The following OR9Q1 variants were observed in gnomAD, a reference collection of about 807,000 sequenced individuals.
OR9Q1 encodes olfactory receptor family 9 subfamily Q member 1.
For missense variants in OR9Q1, 374 were observed against 378.8 expected, an observed-to-expected ratio of 0.99 and a Z score of 0.11; for synonymous variants, 153 against 148.6, an observed-to-expected ratio of 1.03 and a Z score of -0.22.
At chr11:58,032,642 C>T (rs118074668) in intron 1 of OR9Q1, among the ~76,000 whole-genome samples, 6,104 of 152,162 alleles carry the variant, frequency 0.04, 125 homozygotes, top group East Asian at 0.061. Context: ...AATATAAGAC[C>T]TCAAACTATA....
intron 2 of OR9Q1, among the ~76,000 whole-genome samples, chr11:58,074,701 A>G (rs955072010): frequency 6.6e-6 from 1 of 152,016 alleles, no homozygotes; most frequent in African/African-American, 2.4e-5. Flanking sequence ...CCTGAGTGGT[A>G]TTGCCTAGGT....
intron 2 of OR9Q1, among the ~76,000 whole-genome samples, chr11:58,174,624 T>G (rs1854586991): frequency 6.7e-6 from 1 of 149,662 alleles, no homozygotes; most frequent in Non-Finnish European, 1.5e-5. Context: ...TTCTCAGACT[T>G]CTTTTAGCAT....
chr11:58,172,897 C>T lies in OR9Q1; in HGVS notation c.-14-6534C>T, dbSNP rs1163336917. On this transcript the variant is annotated intron_variant, in intron 2 of 2. Coordinates refer to ENST00000335397, the MANE Select transcript of OR9Q1 (RefSeq NM_001005212.4). ...GACTGTAGTCACCCTGTTGTGCTAT[C>T]ACATACTAGGTCTATTCATTCTATT... Among the ~76,000 whole-genome samples, 5 of 152,094 alleles carry T rather than the reference C, an allele frequency of 3.3e-5. No homozygotes were observed. In the East Asian group the frequency reaches 7.7e-4, roughly 23 times the overall value.
chr11:58,046,895 C>T (rs1464455180), intron 1 of OR9Q1, among the ~76,000 whole-genome samples: 2 of 152,030 alleles, frequency 1.3e-5, no homozygotes, highest in African/African-American at 2.4e-5. Flanking sequence ...ATTTCTCCCT[C>T]TGGTGACCTT....
At chr11:58,162,010 C>T (rs1277266990) in intron 2 of OR9Q1, among the ~76,000 whole-genome samples, 1 of 152,172 alleles carries the variant, frequency 6.6e-6, no homozygotes, top group East Asian at 1.9e-4. Context: ...TGCTAATTGG[C>T]AACTGGATAC....
intron 2 of OR9Q1, among the ~76,000 whole-genome samples, chr11:58,115,280 G>C (rs527501675): frequency 6.6e-6 from 1 of 152,110 alleles, no homozygotes; most frequent in African/African-American, 2.4e-5. Flanking sequence ...TAACAAAAAT[G>C]TTATTTATTG....
intron 2 of OR9Q1, among the ~76,000 whole-genome samples, chr11:58,085,597 T>C (rs1185095736): frequency 6.6e-6 from 1 of 151,896 alleles, no homozygotes; most frequent in Non-Finnish European, 1.5e-5. Flanking sequence ...CTCTATTCTA[T>C]GCTTCTATAA....
chr11:58,111,410 A>C (rs1218595936), intron 2 of OR9Q1, among the ~76,000 whole-genome samples: 1 of 152,150 alleles, frequency 6.6e-6, no homozygotes, highest in Admixed American at 6.5e-5. Flanking sequence ...GGAGTTTCCT[A>C]TTGTTTTAAA....
chr11:58,041,824 G>C (rs1435178823), intron 1 of OR9Q1, among the ~76,000 whole-genome samples: 5 of 152,182 alleles, frequency 3.3e-5, no homozygotes, highest in Non-Finnish European at 7.3e-5. Flanking sequence ...GGGCCTTCCA[G>C]ATTGTCTGAT....
At chr11:58,112,258 C>T (rs991492206) in intron 2 of OR9Q1, among the ~76,000 whole-genome samples, 2 of 151,648 alleles carry the variant, frequency 1.3e-5, no homozygotes, top group African/African-American at 2.4e-5. Flanking sequence ...ACACCACTGC[C>T]CTCTAGCCTA....
chr11:58,132,129 C>G (rs902363883), intron 2 of OR9Q1, among the ~76,000 whole-genome samples: 1 of 152,196 alleles, frequency 6.6e-6, no homozygotes, highest in South Asian at 2.1e-4. Flanking sequence ...GAGCAATCTA[C>G]TTGCAGAGCT....
intron 2 of OR9Q1, chr11:58,109,796 A>T (rs1383037445): frequency 8.6e-6 from 3 of 347,944 alleles, no homozygotes; most frequent in Non-Finnish European, 1.7e-5. Flanking sequence ...AGTATTTACC[A>T]TCTTGAGTCC....
chr11:58,055,661 A>T (rs1183506082), intron 1 of OR9Q1, among the ~76,000 whole-genome samples: 1 of 152,022 alleles, frequency 6.6e-6, no homozygotes, highest in East Asian at 1.9e-4. Context: ...GTAGCCAGGC[A>T]TGGTGGCATG....
intron 2 of OR9Q1, among the ~76,000 whole-genome samples, chr11:58,115,956 T>TA (rs1424283538): frequency 1.3e-5 from 2 of 152,312 alleles, no homozygotes; most frequent in Middle Eastern, 3.4e-3. Flanking sequence ...TTGTGTGATT[T>TA]AAAGCTTTGT....
chr11:58,095,805 T>C (rs1853725465), intron 2 of OR9Q1, among the ~76,000 whole-genome samples: 1 of 152,112 alleles, frequency 6.6e-6, no homozygotes, highest in South Asian at 2.1e-4. Flanking sequence ...CAGTGCTCTC[T>C]TAAGACAAGA....
At chr11:58,026,480 G>A (rs979728148) in intron 1 of OR9Q1, among the ~76,000 whole-genome samples, 6 of 151,932 alleles carry the variant, frequency 3.9e-5, no homozygotes, top group South Asian at 4.2e-4. Flanking sequence ...TCAGGAGTTC[G>A]AGACCAGCCT....
intron 2 of OR9Q1, among the ~76,000 whole-genome samples, chr11:58,112,616 G>A (rs1369771219): frequency 6.6e-6 from 1 of 152,160 alleles, no homozygotes; most frequent in East Asian, 1.9e-4. Flanking sequence ...CTAGAGGGAT[G>A]CATTCATCTG....
intron 2 of OR9Q1, among the ~76,000 whole-genome samples, chr11:58,097,960 AGATG>A (rs1371526839): frequency 6.6e-6 from 1 of 152,176 alleles, no homozygotes; most frequent in Non-Finnish European, 1.5e-5. Context: ...CATGGGAGAG[AGATG>A]GATTACCAAG....
chr11:58,084,240 C>T (rs552360642), intron 2 of OR9Q1, among the ~76,000 whole-genome samples: 16 of 151,836 alleles, frequency 1.1e-4, no homozygotes, highest in Middle Eastern at 3.4e-3. Context: ...GGATTATGTT[C>T]TTAATTTGAC....
Sources: gnomAD v4.1 joint callset for allele counts (sites outside exome capture counted in the v4.1 genomes callset) on GRCh38, gnomAD v4.1.1 for gene constraint, MANE v1.5 for transcripts, NCBI Gene and HGNC (gene_info 2026-07-23, HGNC 2026-07-21) for gene names.